The following DAB1 variants were observed in gnomAD, a reference collection of about 807,000 sequenced individuals.
DAB1 encodes the protein disabled homolog 1.
DAB1 carries 15 observed loss-of-function variants against 64.6 expected under a neutral mutation model. That is an observed-to-expected ratio of 0.23 (90% CI 0.16 to 0.36). The LOEUF (loss-of-function observed/expected upper bound fraction) is 0.36. Among genes scored for constraint, DAB1 ranks in the 10% least tolerant of loss-of-function variants. The pLI is 1.00. For missense variants in DAB1, 596 were observed against 706.7 expected (o/e 0.84, Z 1.78); for synonymous variants, 235 against 251.9 (o/e 0.93, Z 0.64).
intron 5 of DAB1, among the ~76,000 whole-genome samples, chr1:58,124,828 G>T (rs1652967332): frequency 6.6e-6 from 1 of 152,086 alleles, no homozygotes; most frequent in African/African-American, 2.4e-5. Context: ...CATTCTGAAG[G>T]TTAAGTGAGA....
chr1:57,628,066 G>A (rs1193923139), intron 7 of DAB1, among the ~76,000 whole-genome samples: 2 of 152,182 alleles, frequency 1.3e-5, no homozygotes, highest in Non-Finnish European at 2.9e-5. Context: ...CGATGGTGAA[G>A]TGAAAAGAAC....
chr1:57,206,747 C>T (rs1433341815), intron 2 of DAB1, among the ~76,000 whole-genome samples: 2 of 152,124 alleles, frequency 1.3e-5, no homozygotes, highest in Admixed American at 6.5e-5. Flanking sequence ...CAAGGGGCTT[C>T]ATCAAGAGGC....
intron 5 of DAB1, among the ~76,000 whole-genome samples, chr1:58,025,898 T>C (rs1646888120): frequency 6.6e-6 from 1 of 151,970 alleles, no homozygotes; most frequent in African/African-American, 2.4e-5. Context: ...AACTCCCCAG[T>C]GAGCGCTTGT....
chr1:57,178,512 A>G (rs1239923374), intron 2 of DAB1, among the ~76,000 whole-genome samples: 4 of 152,226 alleles, frequency 2.6e-5, no homozygotes, highest in Non-Finnish European at 5.9e-5. Context: ...CAGCATTTAC[A>G]TGAAATTTGA....
upstream of DAB1, among the ~76,000 whole-genome samples, chr1:57,428,878 G>A (rs1570508674): frequency 7.0e-6 from 1 of 143,278 alleles, no homozygotes; most frequent in African/African-American, 2.6e-5. Flanking sequence ...CAAAAAAACT[G>A]TTTGTTTGTT....
chr1:58,366,666 C>A (rs1002807533), intron 3 of DAB1, among the ~76,000 whole-genome samples: 1 of 152,150 alleles, frequency 6.6e-6, no homozygotes, highest in South Asian at 2.1e-4. Flanking sequence ...CTGGAGCTCC[C>A]GATTCTCCAA....
intron 4 of DAB1, among the ~76,000 whole-genome samples, chr1:58,315,091 A>C (rs191620606): frequency 1.3e-5 from 2 of 152,278 alleles, no homozygotes. Flanking sequence ...GTTTCTAATA[A>C]GTTTAGAAAT....
chr1:57,131,555 T>C (rs1003469762), intron 4 of DAB1, among the ~76,000 whole-genome samples: 1 of 152,198 alleles, frequency 6.6e-6, no homozygotes, highest in African/African-American at 2.4e-5. Context: ...ACTCCTTCCC[T>C]GGGACATTTC....
At chr1:58,100,653 CT>C (rs968273472) in intron 5 of DAB1, among the ~76,000 whole-genome samples, 4 of 152,144 alleles carry the variant, frequency 2.6e-5, no homozygotes, top group Non-Finnish European at 5.9e-5. Context: ...TTTTCTACCC[CT>C]GTATCACTAA....
At chr1:57,730,116 G>A (rs192150820) in intron 6 of DAB1, among the ~76,000 whole-genome samples, 7 of 152,222 alleles carry the variant, frequency 4.6e-5, no homozygotes, top group Admixed American at 4.6e-4. Context: ...TCTCAAACTG[G>A]GCACCTACTG....
chr1:58,341,648 G>A lies in DAB1; in HGVS notation n.309+1704C>T, dbSNP rs563208721. ...GATTTGAACCCAGGTAGTCTGACTC[G>A]AAATCCCAGGCCTTTAACCACTCCT... On this transcript the variant is annotated intron_variant and non_coding_transcript_variant, in intron 4 of 20. Coordinates refer to the DAB1 transcript ENST00000485760. Among the ~76,000 whole-genome samples the A allele has an allele frequency of 3.1e-4, 47 of 152,208 alleles. No homozygotes were observed. The South Asian group carries it at 6.6e-3, about 22-fold the overall frequency.
chr1:57,756,831 A>T (rs1272274536), intron 6 of DAB1, among the ~76,000 whole-genome samples: 1 of 147,210 alleles, frequency 6.8e-6, no homozygotes, highest in East Asian at 1.9e-4. Context: ...AAACCCTGTA[A>T]TCTTTTTAAT....
chr1:57,909,870 G>C (rs1306530125), intron 5 of DAB1, among the ~76,000 whole-genome samples: 2 of 152,130 alleles, frequency 1.3e-5, no homozygotes, highest in Non-Finnish European at 2.9e-5. Context: ...TGAAGGTCCG[G>C]GTCATTTCAG....
chr1:57,164,550 G>A (rs1013051768), intron 2 of DAB1, among the ~76,000 whole-genome samples: 1 of 151,958 alleles, frequency 6.6e-6, no homozygotes, highest in Non-Finnish European at 1.5e-5. Flanking sequence ...CCTTTTCCTG[G>A]GGAATTGGGT....
chr1:57,167,553 C>T (rs1464689031), intron 2 of DAB1, among the ~76,000 whole-genome samples: 1 of 152,148 alleles, frequency 6.6e-6, no homozygotes, highest in East Asian at 1.9e-4. Flanking sequence ...TGTCCAAGTC[C>T]ACATATTTAC....
chr1:57,524,485 C>T (rs1178895672), intron 7 of DAB1, among the ~76,000 whole-genome samples: 2 of 152,018 alleles, frequency 1.3e-5, no homozygotes, highest in African/African-American at 2.4e-5. Context: ...GGGCTGAGTC[C>T]GAAAAGAGAG....
chr1:57,763,439 G>C (rs141009610), intron 6 of DAB1, among the ~76,000 whole-genome samples: 5 of 152,122 alleles, frequency 3.3e-5, no homozygotes, highest in African/African-American at 1.2e-4. Context: ...ACACTTTTTG[G>C]GGCTGAGGCA....
intron 3 of DAB1, among the ~76,000 whole-genome samples, chr1:58,357,158 G>C (rs1644120024): frequency 6.6e-6 from 1 of 152,102 alleles, no homozygotes; most frequent in South Asian, 2.1e-4. Context: ...GCAGCTTTTG[G>C]ATTGTATGAG....
At chr1:57,154,070 C>T (rs1230591837) in intron 2 of DAB1, among the ~76,000 whole-genome samples, 1 of 152,150 alleles carries the variant, frequency 6.6e-6, no homozygotes, top group South Asian at 2.1e-4. Flanking sequence ...CAATTATGCT[C>T]TTTCAGTTAT....
Sources: gnomAD v4.1 joint callset for allele counts (sites outside exome capture counted in the v4.1 genomes callset) on GRCh38, gnomAD v4.1.1 for gene constraint, MANE v1.5 for transcripts, NCBI Gene and HGNC (gene_info 2026-07-23, HGNC 2026-07-21) for gene names.